TRIM33: variants seen among roughly 807,000 people sequenced by gnomAD.
TRIM33 encodes the protein E3 ubiquitin-protein ligase TRIM33.
In TRIM33, 20 loss-of-function variants were observed where a neutral mutation model predicts 125.4. That is an observed-to-expected ratio of 0.16 (90% confidence interval 0.11 to 0.23). The LOEUF (loss-of-function observed/expected upper bound fraction) is 0.23, where lower values mean the gene tolerates loss of function less well. Among genes scored for constraint, TRIM33 ranks in the 10% least tolerant of loss-of-function variants. The pLI, the probability that TRIM33 is intolerant of heterozygous loss-of-function variation, is 1.00. For synonymous variants in TRIM33, 564 were observed against 513.9 expected, an observed-to-expected ratio of 1.10 and a Z score of -1.32; for missense variants, 920 against 1,411.4, an observed-to-expected ratio of 0.65 and a Z score of 5.58.
intron 16 of TRIM33, among the ~76,000 whole-genome samples, chr1:114,401,776 G>A (rs150373092): frequency 4.1e-4 from 62 of 152,268 alleles, no homozygotes; most frequent in African/African-American, 1.5e-3. Flanking sequence ...AAATAAATAA[G>A]TAAATAAATT....
Position 114,427,300 on chromosome 1 carries a change from AGGG to A in TRIM33, c.1303-9_1303-7del. The A allele has an allele frequency of 6.8e-7, 1 of 1,463,778 alleles. No homozygotes were observed. 90.7% of individuals were successfully genotyped at this position (1,463,778 alleles called of 1,614,324 possible). A position where few individuals can be genotyped will look rare whatever the true frequency, so the allele number is the denominator to read the frequency against. On this transcript the variant is annotated splice_polypyrimidine_tract_variant and splice_region_variant and intron_variant, in intron 7 of 19. Coordinates refer to ENST00000358465, the MANE Select transcript of TRIM33 (RefSeq NM_015906.4). ...TGACGCAACTGGAAAGTAATCTTAA[AGGG>A]AAAAAAATCCACATTAGTCTCAAAA... is the stretch of plus-strand genomic sequence containing the variant.
rs781209291 is a variant in TRIM33, at chr1:114,397,013, A to T, written c.*635T>A. 1.1e-4 allele frequency: 24 copies of T among 218,542 alleles called. No individual in the cohort carries two copies. The highest frequency in any genetic ancestry group is 2.2e-4 in the Non-Finnish European group (24 of 108,762). The allele number at this position is 218,542 out of a possible 1,614,324, so 13.5% of individuals were successfully genotyped here. Reference sequence around the variant, plus strand: ...AGTTGATTAAATGATAACTAGTGGTAGTGTTTCCTAAACCCTAAGTATGAG... The same window carrying T: ...AGTTGATTAAATGATAACTAGTGGTTGTGTTTCCTAAACCCTAAGTATGAG... On this transcript the variant is annotated 3_prime_UTR_variant, in exon 20 of 20. Coordinates refer to ENST00000358465, the MANE Select transcript of TRIM33 (RefSeq NM_015906.4).
At chr1:114,481,659 G>A (rs1412108366) in intron 1 of TRIM33, among the ~76,000 whole-genome samples, 1 of 141,470 alleles carries the variant, frequency 7.1e-6, no homozygotes. Context: ...GTGTGTGTGT[G>A]TGTATATATA....
chr1:114,486,416 G>A (rs1309875837), intron 1 of TRIM33, among the ~76,000 whole-genome samples: 2 of 151,626 alleles, frequency 1.3e-5, no homozygotes, highest in Non-Finnish European at 2.9e-5. Context: ...GAGGTCAGGA[G>A]GTCAAGACCA....
chr1:114,476,855 A>G (rs1232879040), intron 1 of TRIM33, among the ~76,000 whole-genome samples: 1 of 152,174 alleles, frequency 6.6e-6, no homozygotes, highest in Non-Finnish European at 1.5e-5. Context: ...TAAAAAAAAT[A>G]CAAAATCCAG....
intron 8 of TRIM33, among the ~76,000 whole-genome samples, chr1:114,426,692 A>C (rs1031399276): frequency 6.6e-6 from 1 of 152,156 alleles, no homozygotes; most frequent in Non-Finnish European, 1.5e-5. Context: ...CTTTAGGTCC[A>C]TACTACGCTG....
chr1:114,461,196 G>C (rs1649960943), intron 4 of TRIM33, among the ~76,000 whole-genome samples: 1 of 134,032 alleles, frequency 7.5e-6, no homozygotes, highest in Non-Finnish European at 1.6e-5. Flanking sequence ...GGGTGACAGA[G>C]CAAGAACCTG....
chr1:114,463,074 T>C, intron 4 of TRIM33, 30 bp downstream of exon 4: 1 of 1,544,732 alleles, frequency 6.5e-7, no homozygotes, highest in Non-Finnish European at 8.7e-7. Flanking sequence ...TTTTATAGTA[T>C]TTCCTGGTAA....
Position 114,427,367 on chromosome 1 carries a change from A to G in TRIM33, c.1303-73T>C, listed in dbSNP as rs1049461579. 15 of 821,362 alleles carry G rather than the reference A, an allele frequency of 1.8e-5. No homozygotes were observed. The Admixed American group carries it at 3.4e-4, about 19-fold the overall frequency. The allele number at this position is 821,362 out of a possible 1,614,324, so 50.9% of individuals were successfully genotyped here. A position where few individuals can be genotyped will look rare whatever the true frequency, so the allele number is the denominator to read the frequency against. ...GGGAAATCATAAGATAAAGACATTA[A>G]GAAAAAAAAGCACATATATTCCCAC... is the stretch of plus-strand genomic sequence containing the variant. On this transcript the variant is annotated intron_variant, in intron 7 of 19. Transcript: ENST00000358465.
At chr1:114,403,310 C>A (rs1195274562) in intron 15 of TRIM33, among the ~76,000 whole-genome samples, 1 of 152,126 alleles carries the variant, frequency 6.6e-6, no homozygotes, top group Non-Finnish European at 1.5e-5. Context: ...TAAATCAGTT[C>A]TTTTTTCGTG....
At chr1:114,486,515 C>G (rs1163762319) in intron 1 of TRIM33, among the ~76,000 whole-genome samples, 1 of 145,128 alleles carries the variant, frequency 6.9e-6, no homozygotes, top group East Asian at 2.0e-4. Context: ...CCACTGCACT[C>G]CAGCCTGGGC....
At chr1:114,469,015 T>C (rs1032813658) in intron 1 of TRIM33, 2 of 229,096 alleles carry the variant, frequency 8.7e-6, no homozygotes, top group Non-Finnish European at 1.8e-5. Context: ...TCTTGCATTT[T>C]TGTTGGCTGA....
intron 1 of TRIM33, among the ~76,000 whole-genome samples, chr1:114,491,879 A>G (rs924775163): frequency 3.3e-5 from 5 of 152,230 alleles, no homozygotes; most frequent in Non-Finnish European, 7.3e-5. Context: ...TAACTCATAC[A>G]TGAATGAAGC....
At chr1:114,418,781 A>C (rs1378926234) in intron 11 of TRIM33, among the ~76,000 whole-genome samples, 1 of 151,996 alleles carries the variant, frequency 6.6e-6, no homozygotes, top group Non-Finnish European at 1.5e-5. Context: ...AAGCCCTCCA[A>C]CAAGCCCTCC....
chr1:114,424,809 C>A (rs1647450951), intron 9 of TRIM33, 54 bp from the exon 10 acceptor site: 2 of 1,165,376 alleles, frequency 1.7e-6, no homozygotes, highest in African/African-American at 3.1e-5. Context: ...AAATTTATCT[C>A]AATTATAAAA....
chr1:114,430,186 A>G (rs1390037216), intron 6 of TRIM33, among the ~76,000 whole-genome samples: 2 of 151,968 alleles, frequency 1.3e-5, no homozygotes, highest in Admixed American at 1.3e-4. Flanking sequence ...TGGGGAAGAA[A>G]TGTGGTGGGA....
intron 1 of TRIM33, among the ~76,000 whole-genome samples, chr1:114,502,637 G>T (rs1396432646): frequency 1.3e-5 from 2 of 152,062 alleles, no homozygotes; most frequent in African/African-American, 4.8e-5. Flanking sequence ...ATCCTGAGTA[G>T]CTGGAACTAC....
At chr1:114,424,459 G>A (rs1647415037) in intron 10 of TRIM33, 132 bp downstream of exon 10, 9 of 672,494 alleles carry the variant, frequency 1.3e-5, no homozygotes, top group Non-Finnish European at 2.0e-5. Context: ...TTATTTTTCT[G>A]GGACAAGAGG....
chr1:114,397,592 T>TTTTTTTTTA lies in TRIM33; in HGVS notation c.*55_*56insTAAAAAAAA. Reference sequence around the variant, plus strand: ...AAAAGTTTTCTGGGTTTTTTGTGTTTTTTTTTTTTTTTTCGTTTTTTTTTT... The same window carrying TTTTTTTTTA: ...AAAAGTTTTCTGGGTTTTTTGTGTTTTTTTTTTTATTTTTTTTTTTTTCGTTTTTTTTTT... On this transcript the variant is annotated 3_prime_UTR_variant, in exon 20 of 20. Transcript: ENST00000358465. The TTTTTTTTTA allele has an allele frequency of 9.6e-7, 1 of 1,042,976 alleles. No homozygotes were observed. The highest frequency in any genetic ancestry group is 2.8e-5 in the East Asian group (1 of 35,850). 64.6% of individuals were successfully genotyped at this position (1,042,976 alleles called of 1,614,324 possible).
Sources: gnomAD v4.1 joint callset for allele counts (sites outside exome capture counted in the v4.1 genomes callset) on GRCh38, gnomAD v4.1.1 for gene constraint, MANE v1.5 for transcripts, NCBI Gene and HGNC (gene_info 2026-07-23, HGNC 2026-07-21) for gene names.